ZNF540: variants seen among roughly 807,000 people sequenced by gnomAD.
ZNF540 encodes CTD-3064H18.6.
A neutral mutation model predicts 11.8 loss-of-function variants in ZNF540; 3 were observed. That is an observed-to-expected ratio of 0.25 (90% confidence interval 0.12 to 0.65). The LOEUF (loss-of-function observed/expected upper bound fraction) is 0.65. Among genes scored for constraint, ZNF540 ranks in the 30% least tolerant of loss-of-function variants. ZNF540 has a pLI of 0.83. For synonymous variants in ZNF540, 247 were observed against 259.0 expected (o/e 0.95, Z 0.45); for missense variants, 709 against 793.1 (o/e 0.89, Z 1.27).
In ZNF540 at chr19:37,612,632, G is replaced by T. The variant is rs749623515; in HGVS notation, c.1352G>T (p.Arg451Leu). 1.2e-6 allele frequency: 2 copies of T among 1,613,904 alleles called. No individual in the cohort carries two copies. Among genetic ancestry groups the T allele is most frequent in the African/African-American group, 1.3e-5 (1 of 74,870 alleles). ...GAATGCGGGAAAGCCTTTATGCTTC[G>T]TTCAGTCCTTACTGAACATCAGAGA... ...CKECGKAFML[R>L]SVLTEHQRLH... is the part of the protein sequence containing the mutation. Residue 451 changes from arginine (R) to leucine (L), a missense_variant, in exon 5 of 5, where the codon CGT becomes CTT. Coordinates refer to ENST00000316433, the MANE Select transcript of ZNF540 (RefSeq NM_001172225.3).
chr19:37,564,296 A>G (rs1480690723), intron 1 of ZNF540: 1 of 226,366 alleles, frequency 4.4e-6, no homozygotes, highest in Non-Finnish European at 8.5e-6. Context: ...TAATTTAGTC[A>G]TTGTAATACA....
intron 4 of ZNF540, among the ~76,000 whole-genome samples, chr19:37,601,770 C>T (rs2044041231): frequency 6.6e-6 from 1 of 152,102 alleles, no homozygotes; most frequent in African/African-American, 2.4e-5. Context: ...GAAAATAATT[C>T]CAAGCACAGC....
At chr19:37,575,879 G>T (rs2043225174) in intron 1 of ZNF540, 1 of 152,148 alleles carries the variant, frequency 6.6e-6, no homozygotes, top group South Asian at 2.1e-4. Flanking sequence ...CATGTTCGGT[G>T]GACATAGTAA....
intron 1 of ZNF540, chr19:37,566,222 T>C (rs762112701): frequency 6.2e-7 from 1 of 1,613,868 alleles, no homozygotes; most frequent in African/African-American, 1.3e-5. Context: ...ATTCTCCCAC[T>C]GGAGTGATTC....
chr19:37,553,025 T>TA (rs1277382433), intron 1 of ZNF540, among the ~76,000 whole-genome samples: 14 of 133,680 alleles, frequency 1.0e-4, no homozygotes, highest in Non-Finnish European at 1.6e-4. Flanking sequence ...TTTTTTTTTT[T>TA]AACTTTTAAC....
intron 4 of ZNF540, 163 bp downstream of exon 4, chr19:37,601,268 G>T: frequency 2.0e-6 from 1 of 505,230 alleles, no homozygotes; most frequent in Non-Finnish European, 3.4e-6. Flanking sequence ...GATCATCTGA[G>T]CATGAACTAT....
At chr19:37,566,972 C>T (rs112899547) in intron 1 of ZNF540, among the ~76,000 whole-genome samples, 15 of 152,252 alleles carry the variant, frequency 9.9e-5, no homozygotes, top group African/African-American at 3.6e-4. Context: ...TCACTTACCA[C>T]TCCCCTAATT....
In ZNF540 at chr19:37,564,675, G is replaced by A. The variant is rs1201271797; in HGVS notation, c.-73+13010G>A. 7 of 1,613,346 alleles carry A rather than the reference G, an allele frequency of 4.3e-6. No homozygotes were observed. Among genetic ancestry groups the A allele is most frequent in the Non-Finnish European group, 5.9e-6 (7 of 1,179,596 alleles). On this transcript the variant is annotated intron_variant, in intron 1 of 4. Transcript: ENST00000592533. ...TTACCACACTGGACACATGTATAGGGTTTCTCACCAGTATGGATCCTTTGA... is the reference window on the plus strand; with the variant it reads ...TTACCACACTGGACACATGTATAGGATTTCTCACCAGTATGGATCCTTTGA...
At chr19:37,608,150 CCTT>C (rs2044098995) in intron 4 of ZNF540, among the ~76,000 whole-genome samples, 2 of 152,174 alleles carry the variant, frequency 1.3e-5, no homozygotes, top group African/African-American at 4.8e-5. Flanking sequence ...TCATTTTCCT[CCTT>C]CTGGTATTTT....
intron 1 of ZNF540, chr19:37,555,766 G>C (rs529516984): frequency 9.8e-5 from 61 of 621,224 alleles, no homozygotes; most frequent in African/African-American, 9.1e-4. Flanking sequence ...CAAATCCTGG[G>C]ATATAAAATC....
At chr19:37,554,281 G>A (rs376366124) in intron 1 of ZNF540, among the ~76,000 whole-genome samples, 11 of 152,090 alleles carry the variant, frequency 7.2e-5, no homozygotes, top group African/African-American at 2.7e-4. Flanking sequence ...TTCACTTAAC[G>A]GCCTCCAGCT....
intron 1 of ZNF540, among the ~76,000 whole-genome samples, chr19:37,579,602 T>TTA (rs1005372037): frequency 1.2e-4 from 19 of 152,328 alleles, no homozygotes; most frequent in African/African-American, 4.6e-4. Context: ...TGGCCTGATC[T>TTA]AGTACATGCA....
chr19:37,588,099 C>CAAAAAAAAAAA (rs58516591), intron 1 of ZNF540, among the ~76,000 whole-genome samples: 6 of 45,740 alleles, frequency 1.3e-4, no homozygotes, highest in African/African-American at 2.6e-4. Context: ...GACTCCATCT[C>CAAAAAAAAAAA]AAAAAAAAAA....
At chr19:37,578,202 G>A (rs1177520893) in intron 1 of ZNF540, among the ~76,000 whole-genome samples, 2 of 152,122 alleles carry the variant, frequency 1.3e-5, no homozygotes, top group East Asian at 3.8e-4. Flanking sequence ...ACCAGTCCCT[G>A]GTGCCAAAAA....
At chr19:37,555,894 A>C (rs1325512217) in intron 1 of ZNF540, 2 of 700,850 alleles carry the variant, frequency 2.9e-6, no homozygotes, top group Admixed American at 2.0e-5. Flanking sequence ...CGAGTTATGG[A>C]ATGAAGATCT....
upstream of ZNF540, among the ~76,000 whole-genome samples, chr19:37,590,027 A>C (rs140106325): frequency 6.9e-4 from 105 of 152,152 alleles, no homozygotes; most frequent in African/African-American, 2.4e-3. Context: ...TTTCCATTAA[A>C]AGAGACTAAA....
chr19:37,564,756 A>T lies in ZNF540; in HGVS notation c.-73+13091A>T, dbSNP rs1478750949. 4 of 1,613,698 alleles carry T rather than the reference A, an allele frequency of 2.5e-6. No individual in the cohort carries two copies. The African/African-American group carries it at 5.3e-5, about 22-fold the overall frequency. On this transcript the variant is annotated intron_variant, in intron 1 of 4. Coordinates refer to the ZNF540 transcript ENST00000592533. ...GCCCTCCCACATTCCTTACATTCAT[A>T]GGGTTTCTCTCCAGTATGAGTTCTC...
intron 4 of ZNF540, among the ~76,000 whole-genome samples, chr19:37,608,937 G>A (rs1220763874): frequency 2.0e-5 from 3 of 152,008 alleles, no homozygotes; most frequent in Non-Finnish European, 2.9e-5. Context: ...CACTGCGCCC[G>A]GCCAGTATTT....
At chr19:37,589,906 A>G (rs1429983212), upstream of ZNF540, among the ~76,000 whole-genome samples, 1 of 146,752 alleles carries the variant, frequency 6.8e-6, no homozygotes, top group Non-Finnish European at 1.5e-5. Context: ...GAATTGAATC[A>G]TGAGGAAACA....
Sources: allele counts gnomAD v4.1 joint callset (sites outside exome capture counted in the v4.1 genomes callset), GRCh38; gene constraint gnomAD v4.1.1; transcripts MANE v1.5; gene names NCBI Gene and HGNC (gene_info 2026-07-23, HGNC 2026-07-21).